The following NR2C2 variants were observed in gnomAD, a reference collection of about 807,000 sequenced individuals.
NR2C2 encodes the protein nuclear receptor subfamily 2 group C member 2.
A neutral mutation model predicts 62.9 loss-of-function variants in NR2C2; 6 were observed. The ratio of observed to expected loss-of-function variants is 0.10; its 90% confidence interval spans 0.05 to 0.19. NR2C2 has a LOEUF of 0.19. Among genes scored for constraint, NR2C2 ranks in the 10% least tolerant of loss-of-function variants. The pLI is 1.00. For missense variants in NR2C2, 479 were observed against 762.7 expected, an observed-to-expected ratio of 0.63 and a Z score of 4.38; for synonymous variants, 272 against 273.8, an observed-to-expected ratio of 0.99 and a Z score of 0.07.
chr3:15,038,201 G>T, intron 12 of NR2C2, 64 bp downstream of exon 12: 3 of 1,490,738 alleles, frequency 2.0e-6, no homozygotes, highest in South Asian at 1.3e-5. Flanking sequence ...TTCTGAACGT[G>T]AACATGTTGT....
intron 1 of NR2C2, among the ~76,000 whole-genome samples, chr3:15,000,442 T>A (rs911790699): frequency 1.3e-5 from 2 of 152,252 alleles, no homozygotes; most frequent in Non-Finnish European, 2.9e-5. Flanking sequence ...GTTGATTATG[T>A]AACTTGGCTA....
At chr3:15,003,783 C>A in intron 1 of NR2C2, 93 bp from the exon 2 acceptor site, 1 of 759,416 alleles carries the variant, frequency 1.3e-6, no homozygotes. Context: ...TTCATCACTC[C>A]AGGCCACAGT....
intron 1 of NR2C2, among the ~76,000 whole-genome samples, chr3:14,974,988 C>CT (rs1379622259): frequency 6.6e-6 from 1 of 152,014 alleles, no homozygotes; most frequent in Non-Finnish European, 1.5e-5. Flanking sequence ...ACATTTTATT[C>CT]TTTTTTATGG....
chr3:15,042,524 G>A, intron 13 of NR2C2: 1 of 250,384 alleles, frequency 4.0e-6, no homozygotes, highest in Non-Finnish European at 7.6e-6. Flanking sequence ...TTCATCATAT[G>A]AAGACTCCTA....
At chr3:14,979,794 C>T (rs79527059) in intron 1 of NR2C2, among the ~76,000 whole-genome samples, 5,488 of 151,986 alleles carry the variant, frequency 0.036, 351 homozygotes, top group African/African-American at 0.12. Context: ...GAGGTGCGGC[C>T]AGATCATTCT....
intron 1 of NR2C2, among the ~76,000 whole-genome samples, chr3:14,960,375 CTGT>C (rs2039657134): frequency 3.3e-5 from 5 of 152,186 alleles, no homozygotes; most frequent in South Asian, 4.2e-4. Flanking sequence ...CTGTAGTCAC[CTGT>C]TGTTAGATTT....
Position 15,030,377 on chromosome 3 carries a change from C to T in NR2C2, c.1035C>T (p.Val345=). The T allele has an allele frequency of 6.2e-7, 1 of 1,613,496 alleles. No individual in the cohort carries two copies. Among genetic ancestry groups the T allele is most frequent in the South Asian group, 1.1e-5 (1 of 90,930 alleles). The change falls in exon 9 of 14, where the codon GTC becomes GTT. Residue 345 remains valine, a synonymous_variant. Transcript: ENST00000425241. ...IDTSGGGSIH[V]ISRDQSTPII... The stretch of plus-strand genomic sequence containing the variant: ...CCAGTGGAGGAGGGAGCATCCACGT[C>T]ATCAGCAGAGACCAGTCGACACCCA...
At chr3:14,965,522 CAA>C (rs545143806) in intron 1 of NR2C2, among the ~76,000 whole-genome samples, 63 of 79,658 alleles carry the variant, frequency 7.9e-4, no homozygotes, top group East Asian at 1.9e-3. Flanking sequence ...TTTCCCATGG[CAA>C]AAAAAAAAAA....
chr3:14,969,795 C>T (rs531701665), intron 1 of NR2C2, among the ~76,000 whole-genome samples: 1 of 152,244 alleles, frequency 6.6e-6, no homozygotes, highest in South Asian at 2.1e-4. Flanking sequence ...TTCTTATGAC[C>T]TCTTTATTCT....
intron 1 of NR2C2, among the ~76,000 whole-genome samples, chr3:14,974,100 G>A (rs1050592997): frequency 4.6e-5 from 7 of 152,012 alleles, no homozygotes; most frequent in African/African-American, 7.2e-5. Context: ...ACTCCCCAAT[G>A]CCCCCTTCCC....
intron 1 of NR2C2, among the ~76,000 whole-genome samples, chr3:15,001,585 T>A (rs1015237293): frequency 1.3e-5 from 2 of 152,126 alleles, no homozygotes; most frequent in African/African-American, 4.8e-5. Flanking sequence ...TCCGCCTGCC[T>A]TGGCCTCCCA....
At chr3:14,991,963 G>T (rs897839400) in intron 1 of NR2C2, among the ~76,000 whole-genome samples, 1 of 151,790 alleles carries the variant, frequency 6.6e-6, no homozygotes, top group South Asian at 2.1e-4. Context: ...TAGGGATGGG[G>T]TCTTGCAATG....
At chr3:14,956,843 T>G (rs2039540802) in intron 1 of NR2C2, among the ~76,000 whole-genome samples, 1 of 152,276 alleles carries the variant, frequency 6.6e-6, no homozygotes, top group Non-Finnish European at 1.5e-5. Flanking sequence ...CCCGGCTGTG[T>G]GTGTGTTTAC....
At chr3:15,037,576 C>T (rs1257731175) in intron 11 of NR2C2, among the ~76,000 whole-genome samples, 2 of 152,044 alleles carry the variant, frequency 1.3e-5, no homozygotes, top group Non-Finnish European at 2.9e-5. Context: ...AGACACCCAA[C>T]TCAAAAAAAA....
In NR2C2 at chr3:15,043,607, T is replaced by C. The variant is rs1417050008; in HGVS notation, c.*599T>C. ...ATCATTCCTAATTGTGTGCACATGT[T>C]GTGGAGTTGAGCTGAATTCTGTGAA... is the stretch of plus-strand genomic sequence containing the variant. On this transcript the variant is annotated 3_prime_UTR_variant, in exon 14 of 14. Coordinates refer to ENST00000425241, the MANE Select transcript of NR2C2 (RefSeq NM_001291694.2). 5 of 152,782 alleles carry C rather than the reference T, an allele frequency of 3.3e-5. No homozygotes were observed. In the East Asian group the frequency reaches 9.6e-4, roughly 29 times the overall value. 9.5% of individuals were successfully genotyped at this position (152,782 alleles called of 1,614,324 possible). A position where few individuals can be genotyped will look rare whatever the true frequency, so the allele number is the denominator to read the frequency against.
intron 4 of NR2C2, among the ~76,000 whole-genome samples, chr3:15,019,095 G>A (rs908452443): frequency 1.3e-5 from 2 of 150,108 alleles, no homozygotes; most frequent in Admixed American, 6.6e-5. Flanking sequence ...GTGTGGTGGT[G>A]CACACCTATA....
chr3:15,003,812 C>A, intron 1 of NR2C2, 64 bp from the exon 2 acceptor site: 1 of 1,093,146 alleles, frequency 9.1e-7, no homozygotes, highest in Non-Finnish European at 1.4e-6. Context: ...GAGGCGTGGT[C>A]TTCAGGCCAC....
At chr3:14,996,803 C>A (rs1182409118) in intron 1 of NR2C2, among the ~76,000 whole-genome samples, 4 of 152,156 alleles carry the variant, frequency 2.6e-5, no homozygotes, top group Non-Finnish European at 5.9e-5. Flanking sequence ...ACCTCGTGAT[C>A]CGCCCGCCTC....
chr3:14,973,879 C>T (rs1288180401), intron 1 of NR2C2, among the ~76,000 whole-genome samples: 2 of 152,034 alleles, frequency 1.3e-5, no homozygotes, highest in Non-Finnish European at 2.9e-5. Flanking sequence ...CCAGGTAAGC[C>T]CATCACAAGT....
Sources: gnomAD v4.1 joint callset for allele counts (sites outside exome capture counted in the v4.1 genomes callset) on GRCh38, gnomAD v4.1.1 for gene constraint, MANE v1.5 for transcripts, NCBI Gene and HGNC (gene_info 2026-07-23, HGNC 2026-07-21) for gene names.